Variants in RTN3 observed in about 807,000 individuals in gnomAD.
The protein encoded by RTN3 is reticulon-3.
RTN3 carries 49 observed loss-of-function variants against 77.8 expected under a neutral mutation model. That is an observed-to-expected ratio of 0.63 (90% confidence interval 0.50 to 0.80). The LOEUF (loss-of-function observed/expected upper bound fraction) is 0.80, where lower values mean the gene tolerates loss of function less well. RTN3 is among the 30% of genes least tolerant of loss of function. The pLI is 0.00. For missense variants in RTN3, 1,236 were observed against 1,211.9 expected, an observed-to-expected ratio of 1.02 and a Z score of -0.29; for synonymous variants, 464 against 446.9, an observed-to-expected ratio of 1.04 and a Z score of -0.48.
chr11:63,758,505 T>C lies in RTN3; in HGVS notation c.*304T>C. 1 of 663,470 alleles carries C rather than the reference T, an allele frequency of 1.5e-6. No individual in the cohort carries two copies. The highest frequency in any genetic ancestry group is 2.8e-5 in the East Asian group (1 of 35,638). The allele number at this position is 663,470 out of a possible 1,614,324, so 41.1% of individuals were successfully genotyped here. On this transcript the variant is annotated 3_prime_UTR_variant, in exon 9 of 9. Coordinates refer to ENST00000377819, the MANE Select transcript of RTN3 (RefSeq NM_001265589.2). ...AGCTTGAAAGGGGAAAGATTGGAGG[T>C]AAGAGAGAAAATGAAAGAACACCTC...
At chr11:63,729,522 A>G (rs1484393352) in intron 3 of RTN3, among the ~76,000 whole-genome samples, 3 of 145,790 alleles carry the variant, frequency 2.1e-5, no homozygotes, top group East Asian at 2.0e-4. Flanking sequence ...CAGTGGTGCA[A>G]TCATGACTCA....
chr11:63,706,733 T>C (rs1565311551), intron 2 of RTN3, among the ~76,000 whole-genome samples: 1 of 152,208 alleles, frequency 6.6e-6, no homozygotes, highest in East Asian at 1.9e-4. Context: ...TTAAGGATTT[T>C]TTTTTCTCAT....
intron 1 of RTN3, among the ~76,000 whole-genome samples, chr11:63,693,307 A>C (rs1248874082): frequency 1.3e-5 from 2 of 152,134 alleles, no homozygotes; most frequent in African/African-American, 4.8e-5. Context: ...AACATGGAGA[A>C]ACGCCATCTC....
intron 2 of RTN3, among the ~76,000 whole-genome samples, chr11:63,710,798 G>C (rs1379490300): frequency 1.3e-5 from 2 of 152,146 alleles, no homozygotes; most frequent in Non-Finnish European, 2.9e-5. Flanking sequence ...AAGTTCTGAG[G>C]CAGTAAATCA....
chr11:63,681,743 C>T lies in RTN3; in HGVS notation c.107C>T (p.Ala36Val), dbSNP rs1195767915. The part of the protein sequence containing the change: ...GGGGSPGACP[A>V]LGTKSCSSSC... ...GGCGGGAGCCCAGGAGCCTGCCCCG[C>T]CCTGGGGACGAAGAGCTGCAGCTCC... The change falls in exon 1 of 9, where the codon GCC becomes GTC. Residue 36 changes from alanine to valine, a missense_variant. Transcript: ENST00000377819. 5 of 1,605,904 alleles carry T rather than the reference C, an allele frequency of 3.1e-6. No homozygotes were observed. The highest frequency in any genetic ancestry group is 4.2e-6 in the Non-Finnish European group (5 of 1,177,742).
intron 7 of RTN3, 38 bp from the exon 8 acceptor site, chr11:63,756,074 T>C: frequency 3.4e-6 from 5 of 1,478,894 alleles, no homozygotes; most frequent in Non-Finnish European, 4.7e-6. Context: ...TGGTGATCTG[T>C]ATGTTACCAC....
chr11:63,714,517 TCTC>T (rs1565316569), intron 2 of RTN3: 1 of 151,638 alleles, frequency 6.6e-6, no homozygotes, highest in African/African-American at 2.5e-5. Flanking sequence ...TCTTTTCTCT[TCTC>T]TTCTCTTCTC....
At chr11:63,756,562 A>G (rs995021889) in intron 8 of RTN3, among the ~76,000 whole-genome samples, 1 of 152,126 alleles carries the variant, frequency 6.6e-6, no homozygotes, top group Admixed American at 6.5e-5. Context: ...AGTCCCAGCT[A>G]CTGGAGAGGC....
At position 63,719,627 on chromosome 11, in the gene RTN3, A is replaced by AGTT. The variant is rs746824572; in HGVS notation, c.1128_1130dup (p.Val377dup). On this transcript the variant is annotated inframe_insertion, in exon 3 of 9. Transcript: ENST00000377819. The stretch of plus-strand genomic sequence containing the variant: ...TGAGTGAATATAATTCAGAAATTCC[A>AGTT]GTTGTAAATCTTAAAACTAGCACTC... 5.0e-6 allele frequency: 8 copies of AGTT among 1,613,764 alleles called. No homozygotes were observed. The South Asian group carries it at 8.8e-5, about 18-fold the overall frequency.
chr11:63,694,424 C>T (rs551694734), intron 1 of RTN3, among the ~76,000 whole-genome samples: 1 of 152,236 alleles, frequency 6.6e-6, no homozygotes, highest in East Asian at 1.9e-4. Flanking sequence ...GATCTTCCTG[C>T]TTTGGCCTCC....
At chr11:63,740,615 G>A (rs1211749074) in intron 3 of RTN3, among the ~76,000 whole-genome samples, 2 of 151,122 alleles carry the variant, frequency 1.3e-5, no homozygotes, top group African/African-American at 2.4e-5. Flanking sequence ...TCTTTTAATA[G>A]AGATAGGGTC....
intron 1 of RTN3, among the ~76,000 whole-genome samples, chr11:63,693,624 T>A (rs966340996): frequency 6.6e-6 from 1 of 152,244 alleles, no homozygotes; most frequent in Admixed American, 6.5e-5. Context: ...GTAATTTCTA[T>A]AAGACCTCTA....
At chr11:63,741,521 A>G (rs1020414661) in intron 3 of RTN3, among the ~76,000 whole-genome samples, 13 of 122,482 alleles carry the variant, frequency 1.1e-4, no homozygotes, top group Admixed American at 1.1e-3. Flanking sequence ...TTTTTTTGAG[A>G]CAGCGTCTCA....
chr11:63,686,575 A>T (rs1423283847), intron 1 of RTN3, among the ~76,000 whole-genome samples: 1 of 152,094 alleles, frequency 6.6e-6, no homozygotes, highest in Non-Finnish European at 1.5e-5. Flanking sequence ...CTGTAATCCC[A>T]GCACTTTGGG....
chr11:63,703,549 C>CTT (rs776490087), intron 1 of RTN3, among the ~76,000 whole-genome samples: 4 of 142,158 alleles, frequency 2.8e-5, no homozygotes, highest in Non-Finnish European at 3.1e-5. Context: ...TATTTTTTTT[C>CTT]TTTTTTTTTT....
chr11:63,737,697 G>T (rs1448407797), intron 3 of RTN3, among the ~76,000 whole-genome samples: 1 of 152,208 alleles, frequency 6.6e-6, no homozygotes, highest in African/African-American at 2.4e-5. Flanking sequence ...CTGGAGAGGG[G>T]TAGACAATGC....
At chr11:63,701,870 A>G (rs1590801215) in intron 1 of RTN3, among the ~76,000 whole-genome samples, 1 of 152,208 alleles carries the variant, frequency 6.6e-6, no homozygotes, top group Non-Finnish European at 1.5e-5. Flanking sequence ...ACTTGAGCCC[A>G]GGAGGTCAAG....
intron 2 of RTN3, 124 bp downstream of exon 2, chr11:63,705,031 A>G: frequency 1.3e-6 from 1 of 775,070 alleles, no homozygotes; most frequent in Non-Finnish European, 2.2e-6. Flanking sequence ...ACTAATTACA[A>G]GCTGATTCTT....
Position 63,735,076 on chromosome 11 carries a change from G to A in RTN3, c.2530+14044G>A, listed in dbSNP as rs561446808. 3.9e-5 allele frequency among the ~76,000 whole-genome samples: 6 copies of A among 152,210 alleles called. No individual in the cohort carries two copies. The South Asian group carries it at 1.2e-3, about 32-fold the overall frequency. ...CAGCCTTTCTCTGTCGCCCAGGCTG[G>A]AGTGCAGTGGCGCAATCTCTGCTCA... On this transcript the variant is annotated intron_variant, in intron 3 of 8. Transcript: ENST00000377819.
Sources: gnomAD v4.1 joint callset for allele counts (sites outside exome capture counted in the v4.1 genomes callset) on GRCh38, gnomAD v4.1.1 for gene constraint, MANE v1.5 for transcripts, NCBI Gene and HGNC (gene_info 2026-07-23, HGNC 2026-07-21) for gene names.